Variants in MAN1A2 observed in about 807,000 individuals in gnomAD.
MAN1A2 encodes the protein mannosyl-oligosaccharide 1,2-alpha-mannosidase IB.
Under a neutral mutation model 75.7 loss-of-function variants are expected in MAN1A2, and 26 were observed. The ratio of observed to expected loss-of-function variants is 0.34; its 90% CI spans 0.25 to 0.48. The LOEUF (loss-of-function observed/expected upper bound fraction) is 0.48. Among genes scored for constraint, MAN1A2 ranks in the 20% least tolerant of loss-of-function variants. MAN1A2 has a pLI of 0.99. For synonymous variants in MAN1A2, 247 were observed against 264.6 expected (o/e 0.93, Z 0.65); for missense variants, 562 against 775.5 (o/e 0.72, Z 3.27).
intron 5 of MAN1A2, among the ~76,000 whole-genome samples, chr1:117,430,945 C>T (rs1425295587): frequency 6.9e-5 from 9 of 131,370 alleles, no homozygotes; most frequent in Non-Finnish European, 1.5e-4. Context: ...AACGAGACTC[C>T]GTCTGCAATC....
At chr1:117,449,283 G>A (rs1007604721) in intron 6 of MAN1A2, among the ~76,000 whole-genome samples, 46 of 152,284 alleles carry the variant, frequency 3.0e-4, no homozygotes, top group African/African-American at 1.1e-3. Context: ...AATAGGCTGG[G>A]CGTGGTGGCT....
At chr1:117,507,989 A>G (rs1176652572) in intron 12 of MAN1A2, among the ~76,000 whole-genome samples, 2 of 151,736 alleles carry the variant, frequency 1.3e-5, no homozygotes, top group East Asian at 3.9e-4. Flanking sequence ...GTTCTCTAGT[A>G]GCAGCACTTG....
At chr1:117,441,255 A>G (rs1194172055) in intron 5 of MAN1A2, among the ~76,000 whole-genome samples, 1 of 152,134 alleles carries the variant, frequency 6.6e-6, no homozygotes, top group African/African-American at 2.4e-5. Flanking sequence ...TTCTATCCCC[A>G]GTAATGTTGG....
chr1:117,453,215 C>T (rs187066831), intron 6 of MAN1A2, among the ~76,000 whole-genome samples: 173 of 152,262 alleles, frequency 1.1e-3, no homozygotes, highest in African/African-American at 3.9e-3. Context: ...TGCCAACATC[C>T]ATTCTGCAGC....
intron 1 of MAN1A2, among the ~76,000 whole-genome samples, chr1:117,393,420 A>G (rs1017563169): frequency 1.3e-5 from 2 of 151,730 alleles, no homozygotes; most frequent in Non-Finnish European, 2.9e-5. Context: ...TCATTTCCCA[A>G]AATCATTCTT....
intron 3 of MAN1A2, among the ~76,000 whole-genome samples, chr1:117,409,871 T>C (rs1384250487): frequency 6.6e-6 from 1 of 152,060 alleles, no homozygotes; most frequent in Non-Finnish European, 1.5e-5. Context: ...GACATAAGAA[T>C]ATTTAATTAA....
intron 6 of MAN1A2, among the ~76,000 whole-genome samples, chr1:117,455,220 A>C (rs1649541591): frequency 6.6e-6 from 1 of 152,196 alleles, no homozygotes; most frequent in African/African-American, 2.4e-5. Context: ...GGTGAATCTC[A>C]AAGACATGTT....
intron 1 of MAN1A2, among the ~76,000 whole-genome samples, chr1:117,372,681 A>G (rs971516650): frequency 2.0e-5 from 3 of 152,218 alleles, no homozygotes; most frequent in African/African-American, 7.2e-5. Flanking sequence ...ACATGTTGTT[A>G]TACGCTAATA....
intron 1 of MAN1A2, among the ~76,000 whole-genome samples, chr1:117,374,732 AATTG>A (rs1309133487): frequency 6.6e-6 from 1 of 152,120 alleles, no homozygotes; most frequent in Non-Finnish European, 1.5e-5. Context: ...GAAATGAGGG[AATTG>A]ATTGAATCTT....
Position 117,460,606 on chromosome 1 carries a change from CA to C in MAN1A2, c.1073del (p.Lys358ArgfsTer23). The C allele has an allele frequency of 6.2e-7, 1 of 1,600,294 alleles. No individual in the cohort carries two copies. On this transcript the variant is annotated frameshift_variant, in exon 7 of 13. Transcript: ENST00000356554. LOFTEE classifies it high-confidence loss of function. ...ACTTGACAGGGGACCTGACTTACTA[CA>C]AAAAGGTTTGTTTTCTTGCCTTCTA... Reference protein sequence around the residue: ...SYLTGDLTYYKKVMHIRKLLQ... With the variant: ...SYLTGDLTYYXKVMHIRKLLQ...
chr1:117,392,892 G>A (rs1653776206), intron 1 of MAN1A2, among the ~76,000 whole-genome samples: 1 of 152,200 alleles, frequency 6.6e-6, no homozygotes, highest in South Asian at 2.1e-4. Flanking sequence ...TGGTATAAAA[G>A]CTTGAGGTTC....
intron 6 of MAN1A2, among the ~76,000 whole-genome samples, chr1:117,458,521 A>ATTTTTTTTTT (rs1409683905): frequency 1.1e-5 from 1 of 94,336 alleles, no homozygotes; most frequent in African/African-American, 4.0e-5. Context: ...AGATATATAT[A>ATTTTTTTTTT]TATTTTTTTT....
At chr1:117,450,835 T>G (rs1649387791) in intron 6 of MAN1A2, among the ~76,000 whole-genome samples, 1 of 152,084 alleles carries the variant, frequency 6.6e-6, no homozygotes, top group Non-Finnish European at 1.5e-5. Context: ...TCACAGGATG[T>G]ATGGAAATAC....
intron 5 of MAN1A2, among the ~76,000 whole-genome samples, chr1:117,432,535 CAA>C (rs1206435177): frequency 2.0e-5 from 3 of 152,052 alleles, no homozygotes; most frequent in Admixed American, 6.5e-5. Flanking sequence ...ATAGACAAAA[CAA>C]ATTTTCTAAA....
chr1:117,405,965 C>T (rs997717933), intron 3 of MAN1A2, among the ~76,000 whole-genome samples: 1 of 151,836 alleles, frequency 6.6e-6, no homozygotes, highest in Non-Finnish European at 1.5e-5. Flanking sequence ...CAACACAATA[C>T]CTATTCTGAT....
intron 5 of MAN1A2, among the ~76,000 whole-genome samples, chr1:117,431,181 A>C (rs1648637721): frequency 2.3e-5 from 2 of 85,284 alleles, no homozygotes; most frequent in Non-Finnish European, 4.3e-5. Flanking sequence ...CATGAGAGGG[A>C]GACCGTGGGG....
chr1:117,436,121 G>A (rs963844653), intron 5 of MAN1A2, among the ~76,000 whole-genome samples: 2 of 152,184 alleles, frequency 1.3e-5, no homozygotes, highest in Non-Finnish European at 2.9e-5. Context: ...AATCCATCTA[G>A]TTACTTGAAC....
At chr1:117,399,207 C>G (rs988203025) in intron 1 of MAN1A2, among the ~76,000 whole-genome samples, 10 of 152,104 alleles carry the variant, frequency 6.6e-5, no homozygotes, top group African/African-American at 2.2e-4. Flanking sequence ...ACAGGGTGGA[C>G]TCTAGAAAAT....
At chr1:117,439,321 C>T (rs1648949945) in intron 5 of MAN1A2, among the ~76,000 whole-genome samples, 1 of 152,120 alleles carries the variant, frequency 6.6e-6, no homozygotes, top group Admixed American at 6.6e-5. Flanking sequence ...AAACTGTTGA[C>T]TTCTATTTAA....
Sources: gnomAD v4.1 joint callset for allele counts (sites outside exome capture counted in the v4.1 genomes callset) on GRCh38, gnomAD v4.1.1 for gene constraint, MANE v1.5 for transcripts, NCBI Gene and HGNC (gene_info 2026-07-23, HGNC 2026-07-21) for gene names.